WWP2: variants seen among roughly 807,000 people sequenced by gnomAD.
WWP2 encodes the protein NEDD4-like E3 ubiquitin-protein ligase WWP2.
A neutral mutation model predicts 121.0 loss-of-function variants in WWP2; 57 were observed. The ratio of observed to expected loss-of-function variants is 0.47; its 90% CI spans 0.38 to 0.59. The LOEUF (loss-of-function observed/expected upper bound fraction) is 0.59, where lower values mean the gene tolerates loss of function less well. Ranked by LOEUF, WWP2 falls within the 20% of genes least tolerant of loss-of-function variation. The pLI is 0.00. For missense variants in WWP2, 962 were observed against 1,158.9 expected, an observed-to-expected ratio of 0.83 and a Z score of 2.47; for synonymous variants, 449 against 441.3, an observed-to-expected ratio of 1.02 and a Z score of -0.22.
chr16:69,775,288 C>G (rs1352209255), intron 1 of WWP2: 1 of 152,110 alleles, frequency 6.6e-6, no homozygotes, highest in Admixed American at 6.6e-5. Flanking sequence ...AGGGGAAGGT[C>G]AGAAAATCTT....
At chr16:69,788,732 G>C (rs2151797292) in intron 2 of WWP2, among the ~76,000 whole-genome samples, 1 of 152,184 alleles carries the variant, frequency 6.6e-6, no homozygotes, top group African/African-American at 2.4e-5. Context: ...TTTGTTGACT[G>C]TCTCCTTCAA....
intron 4 of WWP2, among the ~76,000 whole-genome samples, chr16:69,816,726 CACAT>C (rs1336840530): frequency 6.6e-6 from 1 of 152,074 alleles, no homozygotes; most frequent in Non-Finnish European, 1.5e-5. Context: ...TGTACATACA[CACAT>C]GCACACGTAT....
At position 69,935,655 on chromosome 16, in the gene WWP2, C is replaced by T. The variant is rs938109310; in HGVS notation, c.1843-198C>T. 1.3e-5 allele frequency among the ~76,000 whole-genome samples: 2 copies of T among 152,222 alleles called. No individual in the cohort carries two copies. The highest frequency in any genetic ancestry group is 2.9e-5 in the Non-Finnish European group (2 of 68,046). On this transcript the variant is annotated intron_variant, in intron 17 of 23. Coordinates refer to ENST00000359154, the MANE Select transcript of WWP2 (RefSeq NM_001270454.2). The surrounding 1 kb of genome is among the most constrained non-coding windows in gnomAD (Gnocchi z 5.2). ...GGTCTGCAGGGCAGGGTGGGAGTCC[C>T]TCTGTAGGTACAAGTCAGGATAAAG...
At chr16:69,811,432 C>T (rs957358462) in intron 4 of WWP2, among the ~76,000 whole-genome samples, 2 of 151,964 alleles carry the variant, frequency 1.3e-5, no homozygotes. Context: ...CATAGTGAGA[C>T]CCATGCCACC....
At position 69,935,193 on chromosome 16, in the gene WWP2, C is replaced by A. The variant is rs547678278; in HGVS notation, c.1843-660C>A. Among the ~76,000 whole-genome samples the A allele has an allele frequency of 9.9e-5, 15 of 152,216 alleles. No homozygotes were observed. The highest frequency in any genetic ancestry group is 2.1e-4 in the Non-Finnish European group (14 of 68,034). On this transcript the variant is annotated intron_variant, in intron 17 of 23. Transcript: ENST00000359154. The surrounding 1 kb of genome is among the most constrained non-coding windows in gnomAD (Gnocchi z 5.2). The stretch of plus-strand genomic sequence containing the variant: ...TTTCCTTCGCTTCTTCCCCTGCCTT[C>A]CTGAGTGTCCCACCCGGCTCCCCTC...
intron 21 of WWP2, 124 bp from the exon 22 acceptor site, chr16:69,938,902 TG>T: frequency 5.0e-6 from 4 of 794,830 alleles, no homozygotes; most frequent in Non-Finnish European, 8.3e-6. Context: ...TGTCATCCCC[TG>T]GCCAACCTGG....
intron 7 of WWP2, among the ~76,000 whole-genome samples, chr16:69,877,958 C>T (rs902430822): frequency 3.9e-5 from 6 of 152,108 alleles, no homozygotes; most frequent in Non-Finnish European, 8.8e-5. Context: ...TAGGCGCGTG[C>T]CACCGTGCCC....
chr16:69,844,738 A>T (rs1597041427), intron 6 of WWP2, among the ~76,000 whole-genome samples: 1 of 152,166 alleles, frequency 6.6e-6, no homozygotes, highest in African/African-American at 2.4e-5. Context: ...TGAGCAAGGT[A>T]CCTTCCGATA....
At chr16:69,833,883 G>C (rs747764450) in intron 4 of WWP2, among the ~76,000 whole-genome samples, 1 of 152,222 alleles carries the variant, frequency 6.6e-6, no homozygotes, top group Non-Finnish European at 1.5e-5. Context: ...GGGCCTGGCT[G>C]ATGTGCTCGG....
At chr16:69,768,963 G>C (rs899163070) in intron 1 of WWP2, among the ~76,000 whole-genome samples, 1 of 152,196 alleles carries the variant, frequency 6.6e-6, no homozygotes, top group African/African-American at 2.4e-5. Flanking sequence ...TGTTGGAGTA[G>C]CATGAGCCTG....
chr16:69,840,072 T>C (rs1276296739), intron 4 of WWP2, 54 bp from the exon 5 acceptor site: 1 of 1,599,782 alleles, frequency 6.3e-7, no homozygotes, highest in East Asian at 2.2e-5. Context: ...TAGAGAATCT[T>C]AACTTGGGGT....
chr16:69,842,266 T>C (rs1215682255), intron 6 of WWP2, 146 bp downstream of exon 6: 1 of 705,924 alleles, frequency 1.4e-6, no homozygotes, highest in Non-Finnish European at 2.3e-6. Context: ...TTAAGAAAGC[T>C]AATAGAGGAG....
intron 1 of WWP2, among the ~76,000 whole-genome samples, chr16:69,784,327 T>C (rs780645035): frequency 5.3e-5 from 8 of 152,136 alleles, no homozygotes; most frequent in Non-Finnish European, 8.8e-5. Context: ...CTCGAACTCC[T>C]GACCTCAGGT....
intron 4 of WWP2, among the ~76,000 whole-genome samples, chr16:69,818,882 G>T (rs1012723558): frequency 6.6e-6 from 1 of 151,900 alleles, no homozygotes; most frequent in Admixed American, 6.6e-5. Flanking sequence ...TTTAAATTTG[G>T]CCTATATGCC....
At chr16:69,780,130 T>C (rs979345321) in intron 1 of WWP2, among the ~76,000 whole-genome samples, 7 of 152,334 alleles carry the variant, frequency 4.6e-5, no homozygotes, top group African/African-American at 1.7e-4. Context: ...CTGAACTTGG[T>C]GTGGTTCCTT....
chr16:69,912,101 A>C (rs772493060), intron 9 of WWP2, among the ~76,000 whole-genome samples: 2 of 152,078 alleles, frequency 1.3e-5, no homozygotes, highest in Non-Finnish European at 2.9e-5. Flanking sequence ...CATCCTGGCT[A>C]ACACGGTGAA....
At chr16:69,836,349 C>T (rs1481630076) in intron 4 of WWP2, among the ~76,000 whole-genome samples, 1 of 151,322 alleles carries the variant, frequency 6.6e-6, no homozygotes, top group African/African-American at 2.4e-5. Flanking sequence ...GAGTTCAGGA[C>T]AGTTATTGTA....
intron 8 of WWP2, among the ~76,000 whole-genome samples, chr16:69,893,482 C>A (rs938810030): frequency 3.9e-5 from 6 of 152,144 alleles, no homozygotes; most frequent in Admixed American, 6.6e-5. Context: ...GAAAGTTGAG[C>A]CTAATGCTGT....
At chr16:69,827,873 G>A (rs1368389667) in intron 4 of WWP2, 1 of 455,856 alleles carries the variant, frequency 2.2e-6, no homozygotes, top group East Asian at 6.9e-5. Flanking sequence ...AACCTTCCCA[G>A]ATCTGTATTT....
Sources: gnomAD v4.1 joint callset for allele counts (sites outside exome capture counted in the v4.1 genomes callset) on GRCh38, gnomAD v4.1.1 for gene constraint, Gnocchi (gnomAD v3.1) non-coding constraint, MANE v1.5 for transcripts, NCBI Gene and HGNC (gene_info 2026-07-23, HGNC 2026-07-21) for gene names.